The following ADCY2 variants were observed in gnomAD, a reference collection of about 807,000 sequenced individuals.
ADCY2 encodes the protein adenylate cyclase 2.
A neutral mutation model predicts 125.2 loss-of-function variants in ADCY2; 31 were observed. That is an observed-to-expected ratio of 0.25 (90% confidence interval 0.19 to 0.33). The LOEUF is 0.33. ADCY2 is among the 10% of genes least tolerant of loss of function. The pLI, the probability that ADCY2 is intolerant of heterozygous loss-of-function variation, is 1.00. For missense variants in ADCY2, 904 were observed against 1,418.2 expected, an observed-to-expected ratio of 0.64 and a Z score of 5.82; for synonymous variants, 512 against 548.4, an observed-to-expected ratio of 0.93 and a Z score of 0.93.
At chr5:7,519,651 G>A (rs1419859353) in intron 2 of ADCY2, among the ~76,000 whole-genome samples, 2 of 152,176 alleles carry the variant, frequency 1.3e-5, no homozygotes, top group Admixed American at 6.5e-5. Flanking sequence ...GAGGTTTCGT[G>A]TTGATTGTTT....
At chr5:7,734,966 A>G (rs1191427027) in intron 14 of ADCY2, among the ~76,000 whole-genome samples, 4 of 152,148 alleles carry the variant, frequency 2.6e-5, no homozygotes, top group African/African-American at 9.7e-5. Context: ...GCCAATTCTC[A>G]TAAGGGCACT....
At chr5:7,756,397 G>A (rs2126456391) in intron 15 of ADCY2, among the ~76,000 whole-genome samples, 1 of 152,280 alleles carries the variant, frequency 6.6e-6, no homozygotes, top group East Asian at 1.9e-4. Flanking sequence ...GATATGTATA[G>A]CCGCATATTC....
intron 4 of ADCY2, among the ~76,000 whole-genome samples, chr5:7,662,442 C>T (rs182216980): frequency 3.3e-5 from 5 of 152,332 alleles, no homozygotes; most frequent in South Asian, 2.1e-4. Context: ...GCCACCAGCA[C>T]GGAAGTAGCC....
rs190622833 is a variant in ADCY2, at chr5:7,435,140, T to C, written c.408+20370T>C. Among the ~76,000 whole-genome samples the C allele has an allele frequency of 1.6e-3, 238 of 152,330 alleles. 1 individual carries two copies. Among genetic ancestry groups the C allele is most frequent in the Non-Finnish European group, 2.9e-3 (197 of 68,026 alleles). ...TCCGAGGAGTATCACTGTCACACTA[T>C]GTGGTCGCTATGTTGTGCCACGGTC... On this transcript the variant is annotated intron_variant, in intron 2 of 24. Coordinates refer to ENST00000338316, the MANE Select transcript of ADCY2 (RefSeq NM_020546.3).
chr5:7,520,908 A>C lies in ADCY2; in HGVS notation c.570+9A>C. 6.2e-7 allele frequency: 1 copy of C among 1,613,754 alleles called. No individual in the cohort carries two copies. The highest frequency in any genetic ancestry group is 8.5e-7 in the Non-Finnish European group (1 of 1,179,994). ...AGCACCTGGTCTGGCAGGTGGGTGC[A>C]CCTCCACATCCATGGAGAATGACTT... On this transcript the variant is annotated intron_variant, in intron 3 of 24. Coordinates refer to ENST00000338316, the MANE Select transcript of ADCY2 (RefSeq NM_020546.3).
chr5:7,567,910 G>A (rs1055645035), intron 3 of ADCY2, among the ~76,000 whole-genome samples: 3 of 144,650 alleles, frequency 2.1e-5, no homozygotes, highest in African/African-American at 7.7e-5. Context: ...ATGCAACAAA[G>A]TGCTCTGTCG....
intron 4 of ADCY2, among the ~76,000 whole-genome samples, chr5:7,672,836 G>A (rs1471329046): frequency 6.6e-6 from 1 of 152,102 alleles, no homozygotes; most frequent in Non-Finnish European, 1.5e-5. Flanking sequence ...ATGGCAGAGA[G>A]GCCATGGTGC....
chr5:7,727,298 G>A, intron 14 of ADCY2, 37 bp downstream of exon 14: 1 of 1,560,960 alleles, frequency 6.4e-7, no homozygotes, highest in South Asian at 1.1e-5. Flanking sequence ...TTCTCACCTG[G>A]GGTGCCTTTC....
intron 22 of ADCY2, among the ~76,000 whole-genome samples, chr5:7,814,780 G>A (rs1745056787): frequency 1.3e-5 from 2 of 152,150 alleles, no homozygotes; most frequent in Non-Finnish European, 2.9e-5. Flanking sequence ...AGTGACCCAA[G>A]GTCAGCAGGT....
At chr5:7,721,288 T>C (rs987608534) in intron 12 of ADCY2, among the ~76,000 whole-genome samples, 6 of 152,366 alleles carry the variant, frequency 3.9e-5, no homozygotes, top group Admixed American at 6.5e-5. Flanking sequence ...TTGTAGATTC[T>C]GGATATTAGC....
chr5:7,674,893 C>T (rs1057026010), intron 4 of ADCY2, among the ~76,000 whole-genome samples: 3 of 152,130 alleles, frequency 2.0e-5, no homozygotes. Context: ...CGGTGGCTCA[C>T]GCCTGTAATC....
intron 16 of ADCY2, among the ~76,000 whole-genome samples, chr5:7,760,116 GT>G (rs1331004796): frequency 1.3e-5 from 2 of 152,276 alleles, no homozygotes; most frequent in African/African-American, 4.8e-5. Context: ...CTGCAAGGAT[GT>G]GAAGAAATCA....
At chr5:7,721,600 C>T (rs1370917795) in intron 12 of ADCY2, among the ~76,000 whole-genome samples, 1 of 152,202 alleles carries the variant, frequency 6.6e-6, no homozygotes, top group Non-Finnish European at 1.5e-5. Flanking sequence ...GATCCTGTTT[C>T]AGCTTTCTAC....
At chr5:7,704,691 G>A (rs1020181868) in intron 7 of ADCY2, among the ~76,000 whole-genome samples, 3 of 151,998 alleles carry the variant, frequency 2.0e-5, no homozygotes, top group Non-Finnish European at 4.4e-5. Context: ...CATCCTAGCT[G>A]ACACGCTGAA....
intron 14 of ADCY2, among the ~76,000 whole-genome samples, chr5:7,743,467 G>C (rs1485100317): frequency 6.6e-6 from 1 of 152,214 alleles, no homozygotes; most frequent in Non-Finnish European, 1.5e-5. Flanking sequence ...GTCAGAATAA[G>C]TTAATTGGCC....
intron 3 of ADCY2, among the ~76,000 whole-genome samples, chr5:7,528,171 A>T (rs1011342153): frequency 6.6e-6 from 1 of 152,230 alleles, no homozygotes; most frequent in Admixed American, 6.5e-5. Context: ...AAAGTGCCTA[A>T]GGTGACTAAA....
chr5:7,458,062 C>A (rs1195957666), intron 2 of ADCY2, among the ~76,000 whole-genome samples: 1 of 152,034 alleles, frequency 6.6e-6, no homozygotes, highest in African/African-American at 2.4e-5. Context: ...GTAGAGGTTT[C>A]TTGGTTTTAC....
chr5:7,480,075 A>G (rs1054211854), intron 2 of ADCY2, among the ~76,000 whole-genome samples: 4 of 152,338 alleles, frequency 2.6e-5, no homozygotes, highest in South Asian at 2.1e-4. Flanking sequence ...ACCATCTCAC[A>G]TAAGTCAGGA....
chr5:7,413,653 G>A (rs1441710930), intron 1 of ADCY2, among the ~76,000 whole-genome samples: 1 of 150,604 alleles, frequency 6.6e-6, no homozygotes, highest in East Asian at 2.0e-4. Context: ...ACACATGTTT[G>A]GGTGAGGATT....
Sources: allele counts gnomAD v4.1 joint callset (sites outside exome capture counted in the v4.1 genomes callset), GRCh38; gene constraint gnomAD v4.1.1; transcripts MANE v1.5; gene names NCBI Gene and HGNC (gene_info 2026-07-23, HGNC 2026-07-21).